TRNT1: variants seen among roughly 807,000 people sequenced by gnomAD.
TRNT1 encodes CCA tRNA nucleotidyltransferase 1, mitochondrial.
In TRNT1, 44 loss-of-function variants were observed where a neutral mutation model predicts 45.6. The observed-to-expected ratio is 0.97, with a 90% CI of 0.76 to 1.24. The LOEUF is 1.24. TRNT1 is among the 50% of genes most tolerant of loss of function. The pLI, the probability that TRNT1 is intolerant of heterozygous loss-of-function variation, is 0.00. For missense variants in TRNT1, 633 were observed against 504.4 expected (o/e 1.25, Z -2.44); for synonymous variants, 201 against 171.4 (o/e 1.17, Z -1.35).
downstream of TRNT1, chr3:3,152,792 A>G (rs1706672474): frequency 1.7e-6 from 1 of 605,250 alleles, no homozygotes; most frequent in South Asian, 2.0e-5. Context: ...CTAAATGTCT[A>G]AATGTTTTCT....
chr3:3,149,552 T>TATGCTAC (rs1161551997), downstream of TRNT1: 1 of 151,802 alleles, frequency 6.6e-6, no homozygotes, highest in Non-Finnish European at 1.5e-5. Context: ...AGAGAGGTAC[T>TATGCTAC]ATGCTACTGA....
At position 3,148,355 on chromosome 3, in the gene TRNT1, A is replaced by C; in HGVS notation, c.*201A>C. The C allele has an allele frequency of 3.8e-6, 2 of 526,240 alleles. No homozygotes were observed. Among genetic ancestry groups the C allele is most frequent in the Non-Finnish European group, 6.6e-6 (2 of 302,306 alleles). 32.6% of individuals were successfully genotyped at this position (526,240 alleles called of 1,614,324 possible). On this transcript the variant is annotated 3_prime_UTR_variant, in exon 8 of 8. Transcript: ENST00000251607. ...TTTCTGGATCTGATTTATATCACTGAAATGTACAGTTCTTTTGGAATAGTT... is the reference window on the plus strand; with the variant it reads ...TTTCTGGATCTGATTTATATCACTGCAATGTACAGTTCTTTTGGAATAGTT...
intron 5 of TRNT1, 54 bp from the exon 6 acceptor site, chr3:3,146,376 T>C: frequency 1.4e-6 from 2 of 1,388,502 alleles, no homozygotes; most frequent in Non-Finnish European, 2.0e-6. Flanking sequence ...AAACAGATTT[T>C]GCTTGTGATA....
rs143982510 is a variant in TRNT1, at chr3:3,136,874, C to G, written c.149-386C>G. 8.4e-3 allele frequency: 2,468 copies of G among 293,606 alleles called. 16 individuals carry two copies. The highest frequency in any genetic ancestry group is 0.013 in the Non-Finnish European group (1,877 of 149,228). The allele number at this position is 293,606 out of a possible 1,614,324, so 18.2% of individuals were successfully genotyped here. A position where few individuals can be genotyped will look rare whatever the true frequency, so the allele number is the denominator to read the frequency against. On this transcript the variant is annotated intron_variant, in intron 2 of 7. Transcript: ENST00000251607. The stretch of plus-strand genomic sequence containing the variant: ...GCTCTTTGCCCAGGCTGGTCTTGAA[C>G]TCCTGGGCTCAAGTGATCTTTTCAC...
downstream of TRNT1, chr3:3,152,706 C>A: frequency 8.0e-7 from 1 of 1,244,524 alleles, no homozygotes; most frequent in Non-Finnish European, 1.2e-6. Context: ...GTTTTTAATC[C>A]TTCAGTTTTA....
In TRNT1 at chr3:3,135,251, CTG is replaced by C. The variant is rs566007955; in HGVS notation, c.149-2006_149-2005del. Among the ~76,000 whole-genome samples the C allele has an allele frequency of 2.4e-3, 371 of 152,112 alleles. 5 individuals carry two copies. The highest frequency in any genetic ancestry group is 1.2e-3 in the Non-Finnish European group (79 of 68,012). ...ACACAAGCAAAATTATGGAGGAAAA[CTG>C]TGGGGAGAGTTTTGTGCAGACAGCT... On this transcript the variant is annotated intron_variant, in intron 2 of 7. Transcript: ENST00000251607.
chr3:3,138,877 G>A (rs1289796411), intron 3 of TRNT1, among the ~76,000 whole-genome samples: 9 of 152,118 alleles, frequency 5.9e-5, no homozygotes, highest in Non-Finnish European at 1.3e-4. Flanking sequence ...GGCTTTCCTT[G>A]AATTTGGGTG....
intron 5 of TRNT1, among the ~76,000 whole-genome samples, chr3:3,145,828 T>C (rs1230064072): frequency 2.0e-5 from 3 of 152,086 alleles, no homozygotes; most frequent in Admixed American, 6.6e-5. Context: ...AATTTACTTA[T>C]TTAGCATCAC....
chr3:3,132,682 T>TAAAAAAA (rs34975129), intron 2 of TRNT1, among the ~76,000 whole-genome samples: 1 of 95,206 alleles, frequency 1.1e-5, no homozygotes, highest in Non-Finnish European at 2.0e-5. Flanking sequence ...TAGAGTATAA[T>TAAAAAAA]AAAAAAAAAA....
intron 6 of TRNT1, among the ~76,000 whole-genome samples, chr3:3,147,225 T>C (rs988967953): frequency 6.6e-6 from 1 of 152,144 alleles, no homozygotes; most frequent in African/African-American, 2.4e-5. Context: ...GAACTCTTGA[T>C]GTAGCTTTAA....
downstream of TRNT1, chr3:3,153,342 G>A (rs1268520836): frequency 2.4e-6 from 2 of 845,792 alleles, no homozygotes; most frequent in African/African-American, 1.7e-5. Flanking sequence ...GGTACTGGAG[G>A]AAAGTTTATG....
chr3:3,153,367 A>G (rs531432826), downstream of TRNT1: 14 of 974,724 alleles, frequency 1.4e-5, no homozygotes, highest in South Asian at 1.3e-4. Context: ...ACAGAAATAC[A>G]GTCTTCATTA....
At chr3:3,132,742 A>C (rs888459344) in intron 2 of TRNT1, among the ~76,000 whole-genome samples, 39 of 134,938 alleles carry the variant, frequency 2.9e-4, no homozygotes, top group African/African-American at 4.4e-4. Flanking sequence ...AAAAAAAAAA[A>C]AACACAAAAA....
intron 3 of TRNT1, among the ~76,000 whole-genome samples, chr3:3,139,556 G>T (rs114143676): frequency 0.013 from 1,927 of 152,036 alleles, 51 homozygotes; most frequent in African/African-American, 0.044. Flanking sequence ...TTCCTCCACC[G>T]TGCCTTTGGT....
intron 2 of TRNT1, among the ~76,000 whole-genome samples, chr3:3,132,757 A>C (rs1240821689): frequency 1.2e-4 from 18 of 149,794 alleles, no homozygotes; most frequent in Admixed American, 2.0e-4. Context: ...CAAAAAAAAA[A>C]CACTGGATTT....
chr3:3,132,731 G>GAAAAAAAAAAAAAAAAAAAAAAAAAAAA (rs369384116), intron 2 of TRNT1, among the ~76,000 whole-genome samples: 1 of 88,976 alleles, frequency 1.1e-5, no homozygotes, highest in Non-Finnish European at 2.4e-5. Context: ...CCTATTGAAG[G>GAAAAAAAAAAAAAAAAAAAAAAAAAAAA]AAAAAAAAAA....
At chr3:3,147,072 A>G (rs1278132530) in intron 6 of TRNT1, among the ~76,000 whole-genome samples, 1 of 152,204 alleles carries the variant, frequency 6.6e-6, no homozygotes, top group Admixed American at 6.5e-5. Flanking sequence ...ATGGTTTATC[A>G]CACTTCGGTA....
chr3:3,146,912 G>A (rs752570065), intron 6 of TRNT1, among the ~76,000 whole-genome samples: 9 of 152,014 alleles, frequency 5.9e-5, no homozygotes, highest in East Asian at 1.9e-4. Flanking sequence ...CCAAAAAAGC[G>A]GTTTAAAAGT....
At chr3:3,142,041 G>A (rs1028225718) in intron 4 of TRNT1, among the ~76,000 whole-genome samples, 1 of 152,094 alleles carries the variant, frequency 6.6e-6, no homozygotes, top group Admixed American at 6.6e-5. Flanking sequence ...TGTTTCCAAG[G>A]CCTAGGCAAT....
Sources: gnomAD v4.1 joint callset for allele counts (sites outside exome capture counted in the v4.1 genomes callset) on GRCh38, gnomAD v4.1.1 for gene constraint, MANE v1.5 for transcripts, NCBI Gene and HGNC (gene_info 2026-07-23, HGNC 2026-07-21) for gene names.